PRDM1: variants seen among roughly 807,000 people sequenced by gnomAD.
The protein encoded by PRDM1 is PR/SET domain 1.
Under a neutral mutation model 62.8 loss-of-function variants are expected in PRDM1, and 13 were observed. The observed-to-expected ratio is 0.21, with a 90% CI of 0.13 to 0.33. The LOEUF is 0.33. Among genes scored for constraint, PRDM1 ranks in the 10% least tolerant of loss-of-function variants. The pLI, the probability that PRDM1 is intolerant of heterozygous loss-of-function variation, is 1.00. For synonymous variants in PRDM1, 396 were observed against 417.6 expected (o/e 0.95, Z 0.63); for missense variants, 895 against 1,058.8 (o/e 0.85, Z 2.15).
intron 1 of PRDM1, among the ~76,000 whole-genome samples, chr6:106,011,186 A>G (rs1772543525): frequency 6.6e-6 from 1 of 152,140 alleles, no homozygotes; most frequent in Non-Finnish European, 1.5e-5. Context: ...TTACATTGCT[A>G]TAGATATTAC....
chr6:106,098,021 G>A (rs987492908), intron 3 of PRDM1, among the ~76,000 whole-genome samples: 2 of 152,156 alleles, frequency 1.3e-5, no homozygotes, highest in Admixed American at 6.5e-5. Flanking sequence ...GGTGTTTACC[G>A]CCTGTGTTAA....
rs1233515276 is a variant in PRDM1 at position 105,998,911 on chromosome 6, ATATATATATATATATATATATAT to A, written c.-67+5274_-67+5296del. Among the ~76,000 whole-genome samples, 14 of 57,802 alleles carry A rather than the reference ATATATATATATATATATATATAT, an allele frequency of 2.4e-4. 1 individual carries two copies. The highest frequency in any genetic ancestry group is 7.8e-4 in the African/African-American group (13 of 16,760). 37.9% of individuals were successfully genotyped at this position (57,802 alleles called of 152,430 possible). A position where few individuals can be genotyped will look rare whatever the true frequency, so the allele number is the denominator to read the frequency against. ...AATACATATATATATATATATATAT[ATATATATATATATATATATATAT>A]TTTTTTTTTTTTTTTTCTTTTGAGA... is the stretch of plus-strand genomic sequence containing the variant. On this transcript the variant is annotated intron_variant, in intron 1 of 6. Transcript: ENST00000652320.
At chr6:106,088,724 G>T (rs866457200) in intron 2 of PRDM1, among the ~76,000 whole-genome samples, 5 of 152,304 alleles carry the variant, frequency 3.3e-5, no homozygotes, top group East Asian at 3.9e-4. Context: ...GCATAGGGTG[G>T]GTGAAATTGT....
At chr6:106,005,778 C>G (rs1049930912) in intron 1 of PRDM1, among the ~76,000 whole-genome samples, 1 of 152,170 alleles carries the variant, frequency 6.6e-6, no homozygotes, top group Non-Finnish European at 1.5e-5. Flanking sequence ...ACATAAGACT[C>G]TCCCCACTAA....
In PRDM1 at chr6:106,105,141, C is replaced by G. The variant is rs1774420587; in HGVS notation, c.981C>G (p.Ser327=). 1 of 1,613,148 alleles carries G rather than the reference C, an allele frequency of 6.2e-7. No individual in the cohort carries two copies. Among genetic ancestry groups the G allele is most frequent in the Admixed American group, 1.7e-5 (1 of 59,934 alleles). Residue 327 remains serine (S), a synonymous_variant, in exon 5 of 7, where the codon TCC becomes TCG. Transcript: ENST00000369096. ...AGAGACCCACGTACATCACTCGCTC[C>G]CCCATTCCATCCTCCACCACTCCAA... is the stretch of plus-strand genomic sequence containing the variant. The part of the protein sequence containing the change: ...GIERPTYITR[S]PIPSSTTPSP...
chr6:106,040,823 G>A (rs1772985074), intron 1 of PRDM1, among the ~76,000 whole-genome samples: 1 of 152,104 alleles, frequency 6.6e-6, no homozygotes, highest in Non-Finnish European at 1.5e-5. Flanking sequence ...AGTGTTTTCT[G>A]TCATTGTTTT....
intron 1 of PRDM1, among the ~76,000 whole-genome samples, chr6:106,037,470 A>G (rs1208589476): frequency 1.3e-5 from 2 of 152,056 alleles, no homozygotes; most frequent in Non-Finnish European, 2.9e-5. Flanking sequence ...TCCTTATAAG[A>G]TTCCCATGAT....
intron 1 of PRDM1, among the ~76,000 whole-genome samples, chr6:106,030,106 A>G (rs916683003): frequency 1.3e-5 from 2 of 152,186 alleles, no homozygotes; most frequent in Non-Finnish European, 2.9e-5. Flanking sequence ...TTTTGGGCAT[A>G]AGTCCTATGT....
chr6:106,021,244 C>T (rs937647780), intron 1 of PRDM1, among the ~76,000 whole-genome samples: 1 of 152,140 alleles, frequency 6.6e-6, no homozygotes, highest in African/African-American at 2.4e-5. Context: ...TTAAAAAGTA[C>T]TTCTAGTTTC....
At chr6:106,102,257 T>A (rs569325242) in intron 4 of PRDM1, among the ~76,000 whole-genome samples, 2 of 152,326 alleles carry the variant, frequency 1.3e-5, no homozygotes, top group East Asian at 3.9e-4. Context: ...CAGATCTTGA[T>A]TTTCTTTTTC....
chr6:106,100,944 C>T (rs1200524288), intron 4 of PRDM1, among the ~76,000 whole-genome samples: 2 of 152,138 alleles, frequency 1.3e-5, no homozygotes, highest in Non-Finnish European at 2.9e-5. Flanking sequence ...CAGCGCTCCC[C>T]GAGACTCTGG....
At chr6:106,098,911 C>G in intron 3 of PRDM1, 1 of 1,511,488 alleles carries the variant, frequency 6.6e-7, no homozygotes. Context: ...ACTCAAAGCA[C>G]TAAAAGTCAG....
chr6:106,071,114 T>C (rs937231823), intron 1 of PRDM1, among the ~76,000 whole-genome samples: 9 of 152,038 alleles, frequency 5.9e-5, no homozygotes, highest in African/African-American at 2.2e-4. Flanking sequence ...CTACTAAAAA[T>C]ACAAAAAATT....
intron 1 of PRDM1, among the ~76,000 whole-genome samples, chr6:106,053,812 G>A (rs1773219141): frequency 6.6e-6 from 1 of 151,886 alleles, no homozygotes; most frequent in South Asian, 2.1e-4. Flanking sequence ...GTAGCACAGT[G>A]TGCCCACCAC....
chr6:106,048,957 AG>A (rs1773125108), intron 1 of PRDM1, among the ~76,000 whole-genome samples: 1 of 151,910 alleles, frequency 6.6e-6, no homozygotes, highest in South Asian at 2.1e-4. Context: ...CTGGGATTAC[AG>A]GCATGTGCCA....
At chr6:106,051,026 C>A (rs1490534534) in intron 1 of PRDM1, among the ~76,000 whole-genome samples, 1 of 144,230 alleles carries the variant, frequency 6.9e-6, no homozygotes, top group Non-Finnish European at 1.5e-5. Flanking sequence ...TGTCACTATA[C>A]CTGTAGTGTT....
chr6:106,068,089 C>T (rs1196459544), intron 1 of PRDM1, among the ~76,000 whole-genome samples: 1 of 150,788 alleles, frequency 6.6e-6, no homozygotes, highest in Non-Finnish European at 1.5e-5. Flanking sequence ...ACTCCAGCCA[C>T]CCTGTTCTTT....
At chr6:106,054,421 A>C (rs1385420612) in intron 1 of PRDM1, among the ~76,000 whole-genome samples, 4 of 152,014 alleles carry the variant, frequency 2.6e-5, no homozygotes, top group African/African-American at 4.8e-5. Flanking sequence ...ACTTAAAACT[A>C]ATTCTGAATT....
intron 1 of PRDM1, among the ~76,000 whole-genome samples, chr6:106,013,178 C>G (rs960819216): frequency 9.9e-5 from 15 of 151,936 alleles, no homozygotes; most frequent in African/African-American, 3.6e-4. Flanking sequence ...GCCATCATGC[C>G]TGGCCATACT....
Sources: gnomAD v4.1 joint callset for allele counts (sites outside exome capture counted in the v4.1 genomes callset) on GRCh38, gnomAD v4.1.1 for gene constraint, MANE v1.5 for transcripts, NCBI Gene and HGNC (gene_info 2026-07-23, HGNC 2026-07-21) for gene names.